Variants in SNW1 observed in about 807,000 individuals in gnomAD.
SNW1 encodes the protein SNW domain containing 1, also known as SNW domain-containing protein 1.
Under a neutral mutation model 75.6 loss-of-function variants are expected in SNW1, and 9 were observed. The observed-to-expected ratio is 0.12, with a 90% CI of 0.07 to 0.21. SNW1 has a LOEUF of 0.21. Ranked by LOEUF, SNW1 falls within the 10% of genes least tolerant of loss-of-function variation. The probability of loss-of-function intolerance (pLI) is 1.00; values close to 1 mark genes in which losing one functional copy is unlikely to be tolerated. For synonymous variants in SNW1, 200 were observed against 219.1 expected (o/e 0.91, Z 0.77); for missense variants, 409 against 670.9 (o/e 0.61, Z 4.31).
chr14:77,740,768 A>C (rs1439281146), intron 3 of SNW1, among the ~76,000 whole-genome samples: 1 of 152,068 alleles, frequency 6.6e-6, no homozygotes, highest in Non-Finnish European at 1.5e-5. Flanking sequence ...GAAATTATCT[A>C]CTTTACATGG....
At chr14:77,760,767 A>G in intron 1 of SNW1, 1 of 704,208 alleles carries the variant, frequency 1.4e-6, no homozygotes, top group African/African-American at 1.7e-5. Flanking sequence ...CAAATAAGCC[A>G]CTACCGTCAC....
intron 10 of SNW1, among the ~76,000 whole-genome samples, chr14:77,726,741 G>A (rs1427285082): frequency 1.3e-5 from 2 of 152,018 alleles, no homozygotes; most frequent in Admixed American, 1.3e-4. Flanking sequence ...TTGAGCCTGG[G>A]AAGCGGAGGT....
intron 3 of SNW1, among the ~76,000 whole-genome samples, chr14:77,741,045 C>T (rs1213879627): frequency 1.4e-5 from 2 of 144,732 alleles, no homozygotes; most frequent in African/African-American, 5.2e-5. Context: ...GACAGTGAGC[C>T]GAGATCATGC....
intron 10 of SNW1, among the ~76,000 whole-genome samples, chr14:77,723,614 T>G (rs176968): frequency 0.65 from 99,400 of 152,006 alleles, 32,801 homozygotes; most frequent in African/African-American, 0.72. Flanking sequence ...CCTCCCAAAG[T>G]GCTGGAGTCA....
intron 3 of SNW1, among the ~76,000 whole-genome samples, chr14:77,749,532 C>T (rs987130034): frequency 6.7e-6 from 1 of 150,222 alleles, no homozygotes; most frequent in African/African-American, 2.5e-5. Flanking sequence ...TTTGGGAGGC[C>T]GAGGTGGGCA....
At chr14:77,747,445 C>A (rs1481463320) in intron 3 of SNW1, among the ~76,000 whole-genome samples, 2 of 151,674 alleles carry the variant, frequency 1.3e-5, no homozygotes, top group Non-Finnish European at 1.5e-5. Flanking sequence ...CACCTCTTCC[C>A]GGCCGCCATC....
At chr14:77,720,638 TA>T in intron 12 of SNW1, 72 bp downstream of exon 12, 1 of 954,478 alleles carries the variant, frequency 1.0e-6, no homozygotes, top group Non-Finnish European at 1.7e-6. Context: ...AAATGTAAAG[TA>T]TGTTAATTTT....
chr14:77,744,615 C>T (rs57654091), intron 3 of SNW1, among the ~76,000 whole-genome samples: 18,684 of 152,016 alleles, frequency 0.12, 1,517 homozygotes, highest in African/African-American at 0.22. Flanking sequence ...ATCACCAATA[C>T]AGACAGTGAT....
intron 3 of SNW1, among the ~76,000 whole-genome samples, chr14:77,739,895 G>A (rs1170884259): frequency 6.6e-6 from 1 of 152,018 alleles, no homozygotes; most frequent in East Asian, 1.9e-4. Context: ...AGCACTTTGG[G>A]AGGCTGAGGT....
chr14:77,745,563 T>C (rs2080754453), intron 3 of SNW1, among the ~76,000 whole-genome samples: 1 of 151,986 alleles, frequency 6.6e-6, no homozygotes, highest in South Asian at 2.1e-4. Flanking sequence ...AAAAACGAGC[T>C]GGGCATGGTG....
At chr14:77,720,140 A>C (rs567790143) in intron 12 of SNW1, among the ~76,000 whole-genome samples, 1 of 152,338 alleles carries the variant, frequency 6.6e-6, no homozygotes, top group East Asian at 1.9e-4. Flanking sequence ...AAAAAACCCA[A>C]GAGGCACTTT....
chr14:77,751,605 C>T, intron 2 of SNW1, 125 bp from the exon 3 acceptor site: 1 of 659,794 alleles, frequency 1.5e-6, no homozygotes, highest in East Asian at 3.1e-5. Flanking sequence ...AGCAGAGTTC[C>T]CTGCCTCTTG....
At chr14:77,755,142 G>C (rs1206606458) in intron 1 of SNW1, 22 bp from the exon 2 acceptor site, 1 of 1,598,068 alleles carries the variant, frequency 6.3e-7, no homozygotes, top group Admixed American at 1.8e-5. Context: ...GATAATAAAA[G>C]TCAGAAATTT....
chr14:77,757,616 C>T (rs184744598), intron 1 of SNW1, among the ~76,000 whole-genome samples: 15 of 152,270 alleles, frequency 9.9e-5, no homozygotes, highest in East Asian at 7.7e-4. Flanking sequence ...TCCCCCAAAA[C>T]GCTCTACATA....
In SNW1 at chr14:77,755,239, C is replaced by T. The variant is rs574105527; in HGVS notation, c.15-119G>A. 1.7e-4 allele frequency: 140 copies of T among 844,858 alleles called. 1 individual carries two copies. The African/African-American group carries it at 2.3e-3, about 14-fold the overall frequency. 52.3% of individuals were successfully genotyped at this position (844,858 alleles called of 1,614,324 possible). On this transcript the variant is annotated intron_variant, in intron 1 of 13. Coordinates refer to ENST00000261531, the MANE Select transcript of SNW1 (RefSeq NM_012245.3). Reference sequence around the variant, plus strand: ...ATGCTTTTACTTTTCAGAAAAAGAGCAGATTTTTCAATGATTTATGGTAGT... The same window carrying T: ...ATGCTTTTACTTTTCAGAAAAAGAGTAGATTTTTCAATGATTTATGGTAGT...
At chr14:77,746,214 A>G (rs2080759373) in intron 3 of SNW1, among the ~76,000 whole-genome samples, 1 of 152,254 alleles carries the variant, frequency 6.6e-6, no homozygotes, top group South Asian at 2.1e-4. Flanking sequence ...GAAGCCATAG[A>G]AAGATTTTAA....
Position 77,735,966 on chromosome 14 carries a change from C to T in SNW1, c.679G>A (p.Ala227Thr). ...CGGCTAGGAGAATGCATGACAGGCGCAGGAGGAGAAGGTGGTCCCCGGGGA... is the reference window on the plus strand; with the variant it reads ...CGGCTAGGAGAATGCATGACAGGCGTAGGAGGAGAAGGTGGTCCCCGGGGA... ...KIPRGPPSPPAPVMHSPSRKM... is the reference protein window; with the variant it reads ...KIPRGPPSPPTPVMHSPSRKM... The change falls in exon 7 of 14, where the codon GCG becomes ACG. Residue 227 changes from alanine to threonine, a missense_variant. By Grantham distance (58) the Ala-to-Thr change is moderately conservative. Around this residue, in one of 9 missense-constraint regions of SNW1, gnomAD observed 70 missense variants for 136.7 expected, o/e 0.51. Transcript: ENST00000261531. 1 of 1,613,932 alleles carries T rather than the reference C, an allele frequency of 6.2e-7. No homozygotes were observed. The highest frequency in any genetic ancestry group is 1.7e-5 in the Admixed American group (1 of 59,994).
chr14:77,717,745 G>T lies in SNW1; in HGVS notation c.*343C>A. Reference sequence around the variant, plus strand: ...TGTGAACATCTTCCTCCTCACTGTGGTTGGGGTAACTTTACTCATATGCAG... The same window carrying T: ...TGTGAACATCTTCCTCCTCACTGTGTTTGGGGTAACTTTACTCATATGCAG... On this transcript the variant is annotated 3_prime_UTR_variant, in exon 14 of 14. Coordinates refer to ENST00000261531, the MANE Select transcript of SNW1 (RefSeq NM_012245.3). 2 of 623,214 alleles carry T rather than the reference G, an allele frequency of 3.2e-6. No homozygotes were observed. The highest frequency in any genetic ancestry group is 2.8e-6 in the Non-Finnish European group (1 of 357,650). The allele number at this position is 623,214 out of a possible 1,614,324, so 38.6% of individuals were successfully genotyped here. A position where few individuals can be genotyped will look rare whatever the true frequency, so the allele number is the denominator to read the frequency against.
In SNW1 at chr14:77,732,621, A is replaced by G. The variant is rs781617164; in HGVS notation, c.775-20T>C. On this transcript the variant is annotated intron_variant, in intron 8 of 13. Coordinates refer to ENST00000261531, the MANE Select transcript of SNW1 (RefSeq NM_012245.3). ...ATAACCCTAGAGTGAAAGCAGACAG[A>G]AAACCCAGTCACAGAAGTGCTTCAA... The G allele has an allele frequency of 1.5e-6, 2 of 1,323,966 alleles. No individual in the cohort carries two copies. Among genetic ancestry groups the G allele is most frequent in the Non-Finnish European group, 2.2e-6 (2 of 926,026 alleles). 82.0% of individuals were successfully genotyped at this position (1,323,966 alleles called of 1,614,324 possible).
Sources: allele counts gnomAD v4.1 joint callset (sites outside exome capture counted in the v4.1 genomes callset), GRCh38; gene constraint gnomAD v4.1.1; regional missense constraint gnomAD v4.1.1; transcripts MANE v1.5; gene names NCBI Gene and HGNC (gene_info 2026-07-23, HGNC 2026-07-21).